The following EYS variants were observed in gnomAD, a reference collection of about 807,000 sequenced individuals.
EYS encodes protein eyes shut homolog.
EYS carries 250 observed loss-of-function variants against 282.1 expected under a neutral mutation model. The observed-to-expected ratio is 0.89, with a 90% confidence interval of 0.80 to 0.98. The LOEUF (loss-of-function observed/expected upper bound fraction) is 0.98. Ranked by LOEUF, EYS falls within the 50% of genes least tolerant of loss-of-function variation. The pLI is 0.00. For synonymous variants in EYS, 1,355 were observed against 1,282.9 expected (o/e 1.06, Z -1.20); for missense variants, 4,016 against 3,709.0 (o/e 1.08, Z -2.15).
chr6:64,791,703 T>C (rs1270400554), intron 22 of EYS, among the ~76,000 whole-genome samples: 2 of 151,882 alleles, frequency 1.3e-5, no homozygotes, highest in African/African-American at 4.8e-5. Flanking sequence ...GTACAAAGTG[T>C]AAACTAATAA....
intron 36 of EYS, among the ~76,000 whole-genome samples, chr6:63,854,079 C>G (rs1271856814): frequency 6.6e-6 from 1 of 152,132 alleles, no homozygotes; most frequent in Non-Finnish European, 1.5e-5. Context: ...AGAAATACCA[C>G]TTGACCCAGC....
chr6:63,848,378 C>T (rs1772154321), intron 36 of EYS, among the ~76,000 whole-genome samples: 2 of 151,906 alleles, frequency 1.3e-5, no homozygotes, highest in Non-Finnish European at 2.9e-5. Flanking sequence ...AAATATGCCA[C>T]TTTGGGGATT....
At chr6:65,620,920 GT>G (rs1409572995) in intron 2 of EYS, among the ~76,000 whole-genome samples, 3 of 152,194 alleles carry the variant, frequency 2.0e-5, no homozygotes, top group African/African-American at 7.2e-5. Flanking sequence ...CTGAGAGACA[GT>G]TTGTTATCAT....
At chr6:65,602,645 A>G (rs539756625) in intron 2 of EYS, among the ~76,000 whole-genome samples, 1 of 151,978 alleles carries the variant, frequency 6.6e-6, no homozygotes, top group Non-Finnish European at 1.5e-5. Context: ...ATATTAAATA[A>G]AAAAGACAAA....
intron 11 of EYS, among the ~76,000 whole-genome samples, chr6:65,296,875 ATTTTAGGTTTAATGTTGAGAACTATG>A (rs1400515401): frequency 2.0e-5 from 3 of 151,770 alleles, no homozygotes; most frequent in African/African-American, 7.2e-5. Context: ...TTTTAAATAT[ATTTTAGGTTTAATGTTGAGAACTATG>A]TTGGCTATCA....
intron 10 of EYS, among the ~76,000 whole-genome samples, chr6:65,342,499 T>A (rs1383643511): frequency 6.6e-6 from 1 of 150,586 alleles, no homozygotes; most frequent in Non-Finnish European, 1.5e-5. Flanking sequence ...AGATATTTAA[T>A]CAAATTAGTC....
At chr6:64,428,426 A>G (rs1396810883) in intron 28 of EYS, among the ~76,000 whole-genome samples, 1 of 152,180 alleles carries the variant, frequency 6.6e-6, no homozygotes, top group Admixed American at 6.6e-5. Context: ...CAAGTGAATC[A>G]TATGCAGCAG....
chr6:65,006,954 G>A (rs900323609), intron 13 of EYS, among the ~76,000 whole-genome samples: 1 of 152,180 alleles, frequency 6.6e-6, no homozygotes, highest in African/African-American at 2.4e-5. Context: ...TTGTTTACAA[G>A]AATGCATCTT....
At chr6:64,577,026 A>C (rs186998409) in intron 26 of EYS, among the ~76,000 whole-genome samples, 8 of 152,248 alleles carry the variant, frequency 5.3e-5, no homozygotes, top group Admixed American at 2.6e-4. Context: ...AACGGGAGGC[A>C]GACATTGGAG....
chr6:65,255,426 G>A (rs143641110), intron 12 of EYS, among the ~76,000 whole-genome samples: 273 of 151,844 alleles, frequency 1.8e-3, no homozygotes, highest in African/African-American at 6.4e-3. Context: ...TAAAACATTG[G>A]GGAAACACTC....
intron 33 of EYS, among the ~76,000 whole-genome samples, chr6:64,064,677 A>G (rs548902961): frequency 4.8e-4 from 73 of 152,288 alleles, no homozygotes; most frequent in African/African-American, 1.8e-3. Context: ...TGGTTTGAGG[A>G]CTGCTCTATT....
chr6:64,292,556 T>C (rs1768750712), intron 30 of EYS, among the ~76,000 whole-genome samples: 2 of 152,076 alleles, frequency 1.3e-5, no homozygotes, highest in Admixed American at 6.6e-5. Context: ...TCTTTAAGAT[T>C]TGAGGTAAGA....
intron 39 of EYS, among the ~76,000 whole-genome samples, chr6:63,779,747 C>T (rs9341986): frequency 0.9 from 131,603 of 146,784 alleles, 58,226 homozygotes; most frequent in South Asian, 0.93. Flanking sequence ...CTTTCTTTTT[C>T]TTTTTTTTGT....
intron 23 of EYS, among the ~76,000 whole-genome samples, chr6:64,625,155 A>G (rs1767565281): frequency 6.6e-6 from 1 of 152,170 alleles, no homozygotes; most frequent in Non-Finnish European, 1.5e-5. Context: ...TGAAAATAAG[A>G]TGAGTGGCAG....
chr6:65,459,404 A>G (rs1582323627), intron 5 of EYS, among the ~76,000 whole-genome samples: 1 of 152,236 alleles, frequency 6.6e-6, no homozygotes, highest in Non-Finnish European at 1.5e-5. Context: ...TAAGCAGAGT[A>G]AATTTAGAGA....
At chr6:64,774,905 A>G (rs1773633182) in intron 22 of EYS, among the ~76,000 whole-genome samples, 1 of 151,970 alleles carries the variant, frequency 6.6e-6, no homozygotes, top group Admixed American at 6.6e-5. Flanking sequence ...ACTAAATTAG[A>G]GTGCTATAAA....
intron 22 of EYS, among the ~76,000 whole-genome samples, chr6:64,786,044 G>A (rs948782138): frequency 1.9e-4 from 29 of 152,214 alleles, no homozygotes; most frequent in African/African-American, 5.1e-4. Flanking sequence ...GTAAATAATC[G>A]TAACTGTGCA....
intron 13 of EYS, among the ~76,000 whole-genome samples, chr6:65,011,718 C>A (rs1479659362): frequency 1.3e-5 from 2 of 152,178 alleles, no homozygotes; most frequent in African/African-American, 4.8e-5. Flanking sequence ...CCGCTTCCAC[C>A]TTTAAACAAG....
intron 28 of EYS, among the ~76,000 whole-genome samples, chr6:64,390,370 C>A (rs4620094): frequency 0.69 from 104,850 of 151,700 alleles, 36,223 homozygotes; most frequent in South Asian, 0.71. Context: ...ACTTAAATGT[C>A]CCTGTCTGAC....
Sources: gnomAD v4.1 joint callset for allele counts (sites outside exome capture counted in the v4.1 genomes callset) on GRCh38, gnomAD v4.1.1 for gene constraint, MANE v1.5 for transcripts, NCBI Gene and HGNC (gene_info 2026-07-23, HGNC 2026-07-21) for gene names.